The following LRBA variants were observed in gnomAD, a reference collection of about 807,000 sequenced individuals.
The protein encoded by LRBA is LPS responsive beige-like anchor protein, also known as lipopolysaccharide-responsive and beige-like anchor protein.
A neutral mutation model predicts 330.0 loss-of-function variants in LRBA; 176 were observed. That is an observed-to-expected ratio of 0.53 (90% CI 0.47 to 0.60). The LOEUF (loss-of-function observed/expected upper bound fraction) is 0.60, where lower values mean the gene tolerates loss of function less well. LRBA is among the 20% of genes least tolerant of loss of function. The pLI, the probability that LRBA is intolerant of heterozygous loss-of-function variation, is 0.00. For synonymous variants in LRBA, 1,230 were observed against 1,193.0 expected, an observed-to-expected ratio of 1.03 and a Z score of -0.64; for missense variants, 3,259 against 3,444.8, an observed-to-expected ratio of 0.95 and a Z score of 1.35.
intron 2 of LRBA, among the ~76,000 whole-genome samples, chr4:150,976,056 T>G (rs146653492): frequency 6.6e-6 from 1 of 151,382 alleles, no homozygotes. Flanking sequence ...ACACCTGTAA[T>G]CCCAGCTACT....
chr4:150,402,055 C>T (rs1175418175), intron 47 of LRBA, among the ~76,000 whole-genome samples: 2 of 151,178 alleles, frequency 1.3e-5, no homozygotes, highest in African/African-American at 2.4e-5. Context: ...CTTTCAGAGG[C>T]CGAGACGGGC....
intron 37 of LRBA, among the ~76,000 whole-genome samples, chr4:150,651,102 C>T (rs951520219): frequency 2.6e-5 from 4 of 152,012 alleles, no homozygotes; most frequent in East Asian, 3.8e-4. Flanking sequence ...TTCATTGAAA[C>T]GTTGAAAATT....
intron 37 of LRBA, among the ~76,000 whole-genome samples, chr4:150,637,444 T>C (rs1051241068): frequency 3.9e-5 from 6 of 152,234 alleles, no homozygotes; most frequent in Admixed American, 1.3e-4. Context: ...AAATGCTCCC[T>C]GCCTCCTAGT....
chr4:150,976,400 G>T (rs1740178426), intron 2 of LRBA, among the ~76,000 whole-genome samples: 1 of 152,016 alleles, frequency 6.6e-6, no homozygotes, highest in African/African-American at 2.4e-5. Flanking sequence ...TTCATCCTCT[G>T]GATAAATGAT....
chr4:150,581,145 T>C (rs1771275284), intron 40 of LRBA: 1 of 186,438 alleles, frequency 5.4e-6, no homozygotes, highest in African/African-American at 2.4e-5. Flanking sequence ...ACAACTTAGA[T>C]ATTTTCTCTC....
rs1189793902 is a variant in LRBA at position 150,921,210 on chromosome 4, T to C, written c.633A>G (p.Gly211=). 1.1e-5 allele frequency: 18 copies of C among 1,608,468 alleles called. No individual in the cohort carries two copies. The highest frequency in any genetic ancestry group is 1.5e-5 in the Non-Finnish European group (18 of 1,174,970). Residue 211 remains glycine (G), a synonymous_variant, in exon 5 of 57, where the codon GGA becomes GGG. Transcript: ENST00000651943. The part of the protein sequence containing the change: ...YGPDAFFNFP[G]KSAAAIALPP... The stretch of plus-strand genomic sequence containing the variant: ...AATATTTACTTACTGCAGCACTCTT[T>C]CCTGGAAAGTTAAAAAAGGCATCAG...
chr4:150,429,735 A>G (rs1750126999), intron 46 of LRBA, among the ~76,000 whole-genome samples: 1 of 152,036 alleles, frequency 6.6e-6, no homozygotes, highest in Non-Finnish European at 1.5e-5. Flanking sequence ...TTGCAATCCC[A>G]TCTCCCCCAG....
At position 150,683,604 on chromosome 4, in the gene LRBA, T is replaced by G; in HGVS notation, c.5868A>C (p.Lys1956Asn). The change falls in exon 37 of 57, where the codon AAA becomes AAC. Residue 1956 changes from lysine to asparagine, a missense_variant. By Grantham distance (94) the Lys-to-Asn change is moderately conservative. Transcript: ENST00000651943. Reference protein sequence around the residue: ...DHVTATQLIQKIINILTDKHG... With the variant: ...DHVTATQLIQNIINILTDKHG... The stretch of plus-strand genomic sequence containing the variant: ...GCTTGTCTGTGAGAATGTTGATAAT[T>G]TTCTGGATTAGTTGAGTTGCTGTCA... The G allele has an allele frequency of 6.2e-7, 1 of 1,613,930 alleles. No homozygotes were observed. Among genetic ancestry groups the G allele is most frequent in the Non-Finnish European group, 8.5e-7 (1 of 1,179,890 alleles).
chr4:150,305,367 T>C (rs1272540659), intron 52 of LRBA, among the ~76,000 whole-genome samples: 2 of 152,194 alleles, frequency 1.3e-5, no homozygotes, highest in African/African-American at 4.8e-5. Context: ...TCAGTCATGG[T>C]GGTTCCTTTT....
At chr4:151,004,224 A>AG (rs1464851280) in intron 2 of LRBA, among the ~76,000 whole-genome samples, 2 of 152,182 alleles carry the variant, frequency 1.3e-5, no homozygotes, top group African/African-American at 2.4e-5. Context: ...TTTAGTAGAG[A>AG]GGGGGTTTCA....
Position 150,382,009 on chromosome 4 carries a change from T to C in LRBA, c.7195-31850A>G, listed in dbSNP as rs1367890905. Among the ~76,000 whole-genome samples, 9 of 152,324 alleles carry C rather than the reference T, an allele frequency of 5.9e-5. No individual in the cohort carries two copies. The East Asian group carries it at 1.7e-3, about 29-fold the overall frequency. On this transcript the variant is annotated intron_variant, in intron 47 of 56. Coordinates refer to ENST00000651943, the MANE Select transcript of LRBA (RefSeq NM_001364905.1). ...TTGCCCAGTTTTTCATTAGACTATTTATCTTCTTATTCTTGAGTTGTAAGA... is the reference window on the plus strand; with the variant it reads ...TTGCCCAGTTTTTCATTAGACTATTCATCTTCTTATTCTTGAGTTGTAAGA...
At chr4:150,473,278 C>A (rs1199252291) in intron 42 of LRBA, among the ~76,000 whole-genome samples, 1 of 152,116 alleles carries the variant, frequency 6.6e-6, no homozygotes, top group Admixed American at 6.6e-5. Context: ...ATCTTTTACT[C>A]ATTTATTGAG....
At chr4:150,563,129 G>A (rs1341573095) in intron 40 of LRBA, among the ~76,000 whole-genome samples, 2 of 152,004 alleles carry the variant, frequency 1.3e-5, no homozygotes, top group Admixed American at 6.6e-5. Flanking sequence ...TGACAAATTT[G>A]TATATGAGCC....
intron 41 of LRBA, 112 bp downstream of exon 41, chr4:150,490,806 G>C (rs1758815428): frequency 3.7e-6 from 2 of 533,460 alleles, no homozygotes; most frequent in East Asian, 3.0e-5. Flanking sequence ...CACTAGAACA[G>C]AAGGTGGGCT....
At chr4:150,817,741 A>G (rs1472618362) in intron 30 of LRBA, among the ~76,000 whole-genome samples, 2 of 152,044 alleles carry the variant, frequency 1.3e-5, no homozygotes, top group African/African-American at 4.8e-5. Context: ...TAATATATAA[A>G]AAAGCAATGC....
rs144804755 is a variant in LRBA, at chr4:150,437,005, T to C, written c.6781-141A>G. On this transcript the variant is annotated intron_variant, in intron 44 of 56. Transcript: ENST00000651943. ...CTACTTAAGCTGCAACACAGTATCA[T>C]ATTGGGAGTAAAAAGCAATATTTTT... is the stretch of plus-strand genomic sequence containing the variant. 4.6e-5 allele frequency: 34 copies of C among 735,522 alleles called. No homozygotes were observed. The East Asian group carries it at 8.2e-4, about 18-fold the overall frequency. 45.6% of individuals were successfully genotyped at this position (735,522 alleles called of 1,614,324 possible).
rs773829102 is a variant in LRBA at position 150,806,318 on chromosome 4, C to T, written c.5471G>A (p.Arg1824Gln). 9 of 1,607,552 alleles carry T rather than the reference C, an allele frequency of 5.6e-6. No individual in the cohort carries two copies. Among genetic ancestry groups the T allele is most frequent in the East Asian group, 4.5e-5 (2 of 44,354 alleles). Reference protein sequence around the residue: ...IFVDFAPFLSRTLLGSHGQEL... With the variant: ...IFVDFAPFLSQTLLGSHGQEL... ...TTGTCCATGGCTACCCAAAAGTGTC[C>T]GAGAAAGAAAAGGTGCAAAATCCAC... Residue 1824 changes from arginine to glutamine, a missense_variant, in exon 33 of 57, where the codon CGG becomes CAG. Physicochemically the swap from Arg to Gln is conservative, Grantham distance 43. Transcript: ENST00000651943.
intron 40 of LRBA, among the ~76,000 whole-genome samples, chr4:150,501,349 C>T (rs528205580): frequency 3.7e-4 from 56 of 152,224 alleles, no homozygotes; most frequent in African/African-American, 7.0e-4. Flanking sequence ...TGGTGGCTCA[C>T]GTCTGTAATA....
At chr4:150,416,950 C>T (rs1373074559) in intron 46 of LRBA, among the ~76,000 whole-genome samples, 1 of 150,872 alleles carries the variant, frequency 6.6e-6, no homozygotes, top group Non-Finnish European at 1.5e-5. Flanking sequence ...TGAACTAAGG[C>T]TCAAAAAAGT....
Sources: allele counts gnomAD v4.1 joint callset (sites outside exome capture counted in the v4.1 genomes callset), GRCh38; gene constraint gnomAD v4.1.1; transcripts MANE v1.5; gene names NCBI Gene and HGNC (gene_info 2026-07-23, HGNC 2026-07-21).